Variants in GPR20 observed in about 807,000 individuals in gnomAD.
GPR20 encodes G protein-coupled receptor 20.
For synonymous variants in GPR20, 241 were observed against 241.9 expected (o/e 1.00, Z 0.04); for missense variants, 494 against 527.4 (o/e 0.94, Z 0.62).
At chr8:141,362,189 G>T (rs75630478) in intron 1 of GPR20, among the ~76,000 whole-genome samples, 3 of 152,204 alleles carry the variant, frequency 2.0e-5, no homozygotes, top group Non-Finnish European at 4.4e-5. Flanking sequence ...AGCTGTTCCT[G>T]CTCTCTCCCT....
rs112529921 is a variant in GPR20, at chr8:141,357,901, C to T, written c.23G>A (p.Gly8Glu). The T allele has an allele frequency of 1.9e-6, 3 of 1,573,798 alleles. No individual in the cohort carries two copies. The highest frequency in any genetic ancestry group is 2.6e-6 in the Non-Finnish European group (3 of 1,157,080). MPSVSPA[G>E]PSAGAVPNAT... ...ATTGGGGACTGCCCCGGCCGAGGGC[C>T]CCGCTGGAGACACAGAGGGCATGAC... is the stretch of plus-strand genomic sequence containing the variant. The change falls in exon 2 of 2, where the codon GGG becomes GAG. Residue 8 changes from glycine to glutamate, a missense_variant. Transcript: ENST00000377741.
At chr8:141,366,210 G>A (rs552507582) in intron 1 of GPR20, among the ~76,000 whole-genome samples, 5 of 152,328 alleles carry the variant, frequency 3.3e-5, no homozygotes, top group African/African-American at 1.2e-4. Flanking sequence ...GGCCCACACC[G>A]TGTGGCTCAG....
chr8:141,360,854 A>G (rs1459818842), intron 1 of GPR20, among the ~76,000 whole-genome samples: 1 of 152,204 alleles, frequency 6.6e-6, no homozygotes, highest in Non-Finnish European at 1.5e-5. Context: ...GGCCGTCCTC[A>G]TCTGCTGAAT....
intron 1 of GPR20, among the ~76,000 whole-genome samples, chr8:141,361,743 G>A (rs958708253): frequency 5.6e-5 from 8 of 142,558 alleles, no homozygotes; most frequent in African/African-American, 2.4e-4. Flanking sequence ...CTGCATGGCT[G>A]TCTTGGGCCT....
Position 141,356,878 on chromosome 8 carries a change from G to A in GPR20, c.1046C>T (p.Thr349Ile), listed in dbSNP as rs764103416. The part of the protein sequence containing the change: ...HILSAGPHAL[T>I]QALANGPEA ...CTCGGGCCCATTAGCCAGGGCCTGG[G>A]TGAGGGCGTGAGGGCCGGCACTGAG... The change falls in exon 2 of 2, where the codon ACC (threonine) becomes ATC (isoleucine). Residue 349 changes from threonine (T) to isoleucine (I), a missense_variant. Coordinates refer to ENST00000377741, the MANE Select transcript of GPR20 (RefSeq NM_005293.3). 2.1e-5 allele frequency: 33 copies of A among 1,605,850 alleles called. No individual in the cohort carries two copies. The highest frequency in any genetic ancestry group is 1.4e-5 in the Non-Finnish European group (16 of 1,175,166).
chr8:141,356,892 G>A lies in GPR20; in HGVS notation c.1032C>T (p.Gly344=). Residue 344 remains glycine (G), a synonymous_variant, in exon 2 of 2, where the codon GGC becomes GGT. Transcript: ENST00000377741. The stretch of plus-strand genomic sequence containing the variant: ...CCAGGGCCTGGGTGAGGGCGTGAGG[G>A]CCGGCACTGAGGATGTGATGACGGC... The part of the protein sequence containing the change: ...GSGRHHILSA[G]PHALTQALAN... The A allele has an allele frequency of 6.2e-7, 1 of 1,610,342 alleles. No individual in the cohort carries two copies. Among genetic ancestry groups the A allele is most frequent in the Non-Finnish European group, 8.5e-7 (1 of 1,178,384 alleles).
chr8:141,366,851 G>C (rs1011375698), intron 1 of GPR20, among the ~76,000 whole-genome samples: 3 of 152,214 alleles, frequency 2.0e-5, no homozygotes, highest in Admixed American at 2.0e-4. Flanking sequence ...ACCCAGCTCT[G>C]GGCACCCAGC....
chr8:141,366,888 G>A (rs1327561765), intron 1 of GPR20, among the ~76,000 whole-genome samples: 1 of 152,202 alleles, frequency 6.6e-6, no homozygotes, highest in Non-Finnish European at 1.5e-5. Context: ...TTGAACGGAG[G>A]GATGAATGAG....
chr8:141,363,690 C>T (rs542927588), intron 1 of GPR20, among the ~76,000 whole-genome samples: 4 of 152,344 alleles, frequency 2.6e-5, no homozygotes, highest in East Asian at 3.9e-4. Flanking sequence ...CGTCCTTGGC[C>T]GGTGGGTGGG....
chr8:141,358,040 A>G (rs1158552039), intron 1 of GPR20, 93 bp from the exon 2 acceptor site: 2 of 647,872 alleles, frequency 3.1e-6, no homozygotes, highest in Non-Finnish European at 5.3e-6. Context: ...CTGCCCCTGC[A>G]CGCCCAGCAT....
rs376692164 is a variant in GPR20, at chr8:141,357,630, G to C, written c.294C>G (p.Thr98=). The C allele has an allele frequency of 6.2e-7, 1 of 1,613,972 alleles. No individual in the cohort carries two copies. The change falls in exon 2 of 2, where the codon ACC becomes ACG. Residue 98 remains threonine, a synonymous_variant. Transcript: ENST00000377741. ...GCAGGGACAGCCCTACCAGTAGATC[G>C]GTCACCACCAGGTTGATGGTGTAGA... ...SVIYTINLVV[T]DLLVGLSLPT...
At chr8:141,358,502 C>A (rs1364836437) in intron 1 of GPR20, among the ~76,000 whole-genome samples, 1 of 152,200 alleles carries the variant, frequency 6.6e-6, no homozygotes, top group East Asian at 1.9e-4. Flanking sequence ...TGGCTGATGA[C>A]CCAGTTCTGC....
chr8:141,366,530 C>T (rs1586512503), intron 1 of GPR20, among the ~76,000 whole-genome samples: 1 of 152,250 alleles, frequency 6.6e-6, no homozygotes, highest in African/African-American at 2.4e-5. Flanking sequence ...CTGGAGCCAG[C>T]TTCTAGGTCC....
At chr8:141,360,760 A>G (rs1831722100) in intron 1 of GPR20, among the ~76,000 whole-genome samples, 1 of 152,122 alleles carries the variant, frequency 6.6e-6, no homozygotes, top group African/African-American at 2.4e-5. Flanking sequence ...GGCCCGGGTG[A>G]TGAGCAGTCA....
chr8:141,358,984 G>A (rs371917511), intron 1 of GPR20, among the ~76,000 whole-genome samples: 8 of 152,144 alleles, frequency 5.3e-5, no homozygotes, highest in Non-Finnish European at 1.0e-4. Flanking sequence ...TGTTTAACTC[G>A]GCAGTGATTT....
chr8:141,363,725 G>A (rs939056701), intron 1 of GPR20, among the ~76,000 whole-genome samples: 3 of 152,302 alleles, frequency 2.0e-5, no homozygotes, highest in African/African-American at 7.2e-5. Context: ...CTCTTCCCTG[G>A]GCTCCTCTCA....
chr8:141,361,381 C>T (rs1831732114), intron 1 of GPR20, among the ~76,000 whole-genome samples: 1 of 152,258 alleles, frequency 6.6e-6, no homozygotes, highest in East Asian at 1.9e-4. Context: ...CTGCCAAAGC[C>T]TGGCTCCATC....
chr8:141,364,274 C>T (rs1301668388), intron 1 of GPR20, among the ~76,000 whole-genome samples: 1 of 152,260 alleles, frequency 6.6e-6, no homozygotes, highest in Non-Finnish European at 1.5e-5. Context: ...CGGCGTGGCC[C>T]TCATGGCCTT....
In GPR20 at chr8:141,356,820, C is replaced by T. The variant is rs1484672419; in HGVS notation, c.*27G>A. 3 of 1,521,710 alleles carry T rather than the reference C, an allele frequency of 2.0e-6. No individual in the cohort carries two copies. In the East Asian group the frequency reaches 6.8e-5, roughly 35 times the overall value. 94.3% of individuals were successfully genotyped at this position (1,521,710 alleles called of 1,614,324 possible). ...CTGGCATGCCCAGATGAGTCCTGAC[C>T]TTCGGCCCCTGGCAGAGCCCTGCTG... On this transcript the variant is annotated 3_prime_UTR_variant, in exon 2 of 2. Transcript: ENST00000377741.
Sources: allele counts gnomAD v4.1 joint callset (sites outside exome capture counted in the v4.1 genomes callset), GRCh38; gene constraint gnomAD v4.1.1; transcripts MANE v1.5; gene names NCBI Gene and HGNC (gene_info 2026-07-23, HGNC 2026-07-21).